Variants in POLR1D observed in about 807,000 individuals in gnomAD.
POLR1D encodes the protein RNA polymerase I and III subunit D.
Under a neutral mutation model 10.8 loss-of-function variants are expected in POLR1D, and 8 were observed. The observed-to-expected ratio is 0.74, with a 90% confidence interval of 0.43 to 1.33. The LOEUF (loss-of-function observed/expected upper bound fraction) is 1.33, where lower values mean the gene tolerates loss of function less well. Among genes scored for constraint, POLR1D ranks in the 40% most tolerant of loss-of-function variants. The probability of loss-of-function intolerance (pLI) is 0.01; values close to 1 mark genes in which losing one functional copy is unlikely to be tolerated. For missense variants in POLR1D, 152 were observed against 161.7 expected (o/e 0.94, Z 0.32); for synonymous variants, 54 against 57.2 (o/e 0.94, Z 0.25).
intron 1 of POLR1D, among the ~76,000 whole-genome samples, chr13:27,640,796 C>T (rs952876839): frequency 6.6e-6 from 1 of 151,912 alleles, no homozygotes; most frequent in African/African-American, 2.4e-5. Flanking sequence ...CCTCAGTATC[C>T]CTGGGGGATT....
At chr13:27,647,397 A>AT (rs556408835) in intron 1 of POLR1D, among the ~76,000 whole-genome samples, 44 of 150,798 alleles carry the variant, frequency 2.9e-4, no homozygotes, top group Non-Finnish European at 4.9e-4. Flanking sequence ...TATTATTTTT[A>AT]TTTTTTTTAG....
At chr13:27,653,180 G>A (rs960210474) in intron 2 of POLR1D, among the ~76,000 whole-genome samples, 7 of 151,948 alleles carry the variant, frequency 4.6e-5, no homozygotes, top group African/African-American at 1.5e-4. Flanking sequence ...GATTGCAGGC[G>A]TGAGCCACCG....
At chr13:27,648,260 G>A (rs879818682) in intron 1 of POLR1D, 3 of 654,998 alleles carry the variant, frequency 4.6e-6, no homozygotes, top group Non-Finnish European at 8.2e-6. Flanking sequence ...AAAAAAATTT[G>A]CCCCAGCAAT....
chr13:27,625,051 A>G (rs1407991528), downstream of POLR1D, among the ~76,000 whole-genome samples: 2 of 152,148 alleles, frequency 1.3e-5, no homozygotes, highest in Non-Finnish European at 2.9e-5. Context: ...AGGAGAGAAA[A>G]TGCATTCTGG....
At chr13:27,628,686 G>A (rs1457984266) in intron 1 of POLR1D, among the ~76,000 whole-genome samples, 6 of 151,678 alleles carry the variant, frequency 4.0e-5, no homozygotes, top group Admixed American at 3.9e-4. Flanking sequence ...TTTTTAATCT[G>A]TATATGTATT....
intron 1 of POLR1D, among the ~76,000 whole-genome samples, chr13:27,647,294 G>GA (rs967865465): frequency 2.0e-5 from 3 of 151,874 alleles, no homozygotes; most frequent in African/African-American, 7.3e-5. Context: ...GTTCATTGTA[G>GA]AAAAAATAGA....
chr13:27,659,870 TAC>T (rs1383644624), intron 2 of POLR1D, among the ~76,000 whole-genome samples: 1 of 151,422 alleles, frequency 6.6e-6, no homozygotes, highest in Non-Finnish European at 1.5e-5. Context: ...GTATCTTTGC[TAC>T]AGTGCTTAGC....
chr13:27,626,653 C>T (rs1956013160), downstream of POLR1D, among the ~76,000 whole-genome samples: 1 of 152,162 alleles, frequency 6.6e-6, no homozygotes, highest in African/African-American at 2.4e-5. Context: ...GCATTTCATT[C>T]TAAATAAACT....
chr13:27,654,671 G>A (rs1040362207), intron 2 of POLR1D, among the ~76,000 whole-genome samples: 10 of 152,298 alleles, frequency 6.6e-5, no homozygotes, highest in South Asian at 6.2e-4. Context: ...TTGTATGTAT[G>A]TCCCGTTTAT....
At position 27,621,936 on chromosome 13, in the gene POLR1D, G is replaced by GC; in HGVS notation, c.-43dup. 6.4e-7 allele frequency: 1 copy of GC among 1,569,396 alleles called. No individual in the cohort carries two copies. ...TCCGCGCCTCGCGCTATGGGACAGA[G>GC]CCCCCGATCCGCCAGCACCACCTGA... On this transcript the variant is annotated 5_prime_UTR_variant, in exon 1 of 2. The change abolishes the stop of an existing upstream ORF in the 5' untranslated region. Coordinates refer to ENST00000302979, the MANE Select transcript of POLR1D (RefSeq NM_015972.4).
chr13:27,634,372 A>G (rs1008378633), intron 1 of POLR1D, among the ~76,000 whole-genome samples: 1 of 152,148 alleles, frequency 6.6e-6, no homozygotes, highest in Non-Finnish European at 1.5e-5. Flanking sequence ...TTGTTCTAAT[A>G]AGTTGGTCCC....
At chr13:27,657,768 C>G (rs1036192751) in intron 2 of POLR1D, among the ~76,000 whole-genome samples, 4 of 152,194 alleles carry the variant, frequency 2.6e-5, no homozygotes, top group African/African-American at 9.6e-5. Context: ...GCATTTTTCT[C>G]TATCTCTCTC....
chr13:27,621,931 A>T lies in POLR1D; in HGVS notation c.-53A>T. On this transcript the variant is annotated 5_prime_UTR_variant, in exon 1 of 2. Transcript: ENST00000302979. ...TCGCCTCCGCGCCTCGCGCTATGGG[A>T]CAGAGCCCCCGATCCGCCAGCACCA... 6.4e-7 allele frequency: 1 copy of T among 1,564,172 alleles called. No homozygotes were observed. Among genetic ancestry groups the T allele is most frequent in the Non-Finnish European group, 8.7e-7 (1 of 1,151,256 alleles).
downstream of POLR1D, among the ~76,000 whole-genome samples, chr13:27,628,249 C>T (rs1956037447): frequency 6.6e-6 from 1 of 152,226 alleles, no homozygotes; most frequent in South Asian, 2.1e-4. Context: ...CACCAAGCTG[C>T]TTGCTTTACA....
chr13:27,657,010 G>T (rs549724514), intron 2 of POLR1D, among the ~76,000 whole-genome samples: 1 of 152,198 alleles, frequency 6.6e-6, no homozygotes, highest in South Asian at 2.1e-4. Context: ...ATCCTCTATT[G>T]GCCAGGTCAG....
intron 1 of POLR1D, among the ~76,000 whole-genome samples, chr13:27,647,452 G>A (rs930359430): frequency 7.3e-5 from 11 of 151,692 alleles, no homozygotes; most frequent in Non-Finnish European, 1.6e-4. Context: ...CAAACTCCTG[G>A]CTTCAGGTGA....
intron 1 of POLR1D, among the ~76,000 whole-genome samples, chr13:27,641,305 A>G (rs905078119): frequency 6.6e-5 from 10 of 152,214 alleles, no homozygotes; most frequent in African/African-American, 2.4e-4. Flanking sequence ...TGGTGTTTCT[A>G]GATAAGCCCC....
downstream of POLR1D, among the ~76,000 whole-genome samples, chr13:27,626,369 A>G (rs780955107): frequency 2.0e-5 from 3 of 152,254 alleles, no homozygotes; most frequent in Non-Finnish European, 4.4e-5. Flanking sequence ...AAGAATTTAG[A>G]CTGATCACGT....
At chr13:27,628,569 G>A (rs554884447) in intron 1 of POLR1D, among the ~76,000 whole-genome samples, 76 of 152,264 alleles carry the variant, frequency 5.0e-4, no homozygotes, top group Non-Finnish European at 8.7e-4. Flanking sequence ...CCTGAGCTTA[G>A]ATTATTCAGC....
Sources: gnomAD v4.1 joint callset for allele counts (sites outside exome capture counted in the v4.1 genomes callset) on GRCh38, gnomAD v4.1.1 for gene constraint, MANE v1.5 for transcripts, NCBI Gene and HGNC (gene_info 2026-07-23, HGNC 2026-07-21) for gene names.